APPBP2: variants seen among roughly 807,000 people sequenced by gnomAD.
APPBP2 encodes amyloid beta precursor protein binding protein 2, also known as amyloid protein-binding protein 2.
APPBP2 carries 15 observed loss-of-function variants against 76.0 expected under a neutral mutation model. That is an observed-to-expected ratio of 0.20 (90% confidence interval 0.13 to 0.30). APPBP2 has a LOEUF of 0.30. Among genes scored for constraint, APPBP2 ranks in the 10% least tolerant of loss-of-function variants. The pLI is 1.00. For missense variants in APPBP2, 401 were observed against 687.2 expected, an observed-to-expected ratio of 0.58 and a Z score of 4.66; for synonymous variants, 222 against 242.2, an observed-to-expected ratio of 0.92 and a Z score of 0.77.
intron 12 of APPBP2, 21 bp from the exon 13 acceptor site, chr17:60,447,855 G>GAA (rs572924329): frequency 1.0e-4 from 122 of 1,178,332 alleles, no homozygotes; most frequent in Admixed American, 1.6e-4. Flanking sequence ...AAAGAAAAAG[G>GAA]AAAAAAAAAA....
At chr17:60,483,543 A>G (rs1037823674) in intron 3 of APPBP2, among the ~76,000 whole-genome samples, 2 of 151,930 alleles carry the variant, frequency 1.3e-5, no homozygotes, top group African/African-American at 4.8e-5. Flanking sequence ...ATAGGCGCCC[A>G]CCACCACACC....
At position 60,479,141 on chromosome 17, in the gene APPBP2, A is replaced by C. The variant is rs775278801; in HGVS notation, c.503+7T>G. 1 of 1,609,472 alleles carries C rather than the reference A, an allele frequency of 6.2e-7. No individual in the cohort carries two copies. Among genetic ancestry groups the C allele is most frequent in the Non-Finnish European group, 8.5e-7 (1 of 1,178,710 alleles). On this transcript the variant is annotated splice_region_variant and intron_variant, in intron 4 of 12. Coordinates refer to ENST00000083182, the MANE Select transcript of APPBP2 (RefSeq NM_006380.5). ...AGCACGTAATTACAGGATATGTTCCAACTTACCTCACACAACATTCTACTG... is the reference window on the plus strand; with the variant it reads ...AGCACGTAATTACAGGATATGTTCCCACTTACCTCACACAACATTCTACTG...
intron 1 of APPBP2, among the ~76,000 whole-genome samples, chr17:60,505,974 T>A (rs1567938743): frequency 2.7e-5 from 4 of 149,256 alleles, no homozygotes; most frequent in African/African-American, 1.0e-4. Flanking sequence ...TGAGCCACCA[T>A]GCCTGGCCTT....
intron 3 of APPBP2, among the ~76,000 whole-genome samples, chr17:60,490,642 T>C (rs1474963578): frequency 6.6e-6 from 1 of 152,222 alleles, no homozygotes; most frequent in East Asian, 1.9e-4. Context: ...TTTGGCTCTG[T>C]GTCCCCACAC....
rs1398673480 is a variant in APPBP2, at chr17:60,447,247, A to G, written c.*334T>C. 18 of 200,592 alleles carry G rather than the reference A, an allele frequency of 9.0e-5. No individual in the cohort carries two copies. The highest frequency in any genetic ancestry group is 1.8e-4 in the Non-Finnish European group (18 of 99,092). The allele number at this position is 200,592 out of a possible 1,614,324, so 12.4% of individuals were successfully genotyped here. ...AAGAATGCAACTCTTTTAAACTCTT[A>G]AATAGTTTTATTTAGGGGTATTTTT... is the stretch of plus-strand genomic sequence containing the variant. On this transcript the variant is annotated 3_prime_UTR_variant, in exon 13 of 13. Coordinates refer to ENST00000083182, the MANE Select transcript of APPBP2 (RefSeq NM_006380.5).
chr17:60,475,560 TTCTTC>T (rs1197531962), intron 4 of APPBP2, among the ~76,000 whole-genome samples: 1 of 151,898 alleles, frequency 6.6e-6, no homozygotes, highest in Non-Finnish European at 1.5e-5. Context: ...TACTGCTACT[TTCTTC>T]TAGCTTCTAA....
Position 60,484,674 on chromosome 17 carries a change from G to A in APPBP2, c.380-5403C>T, listed in dbSNP as rs187557809. 9.1e-4 allele frequency among the ~76,000 whole-genome samples: 139 copies of A among 152,156 alleles called. 4 individuals are homozygous for A. The highest frequency in any genetic ancestry group is 6.6e-3 in the East Asian group (34 of 5,170). On this transcript the variant is annotated intron_variant, in intron 3 of 12. Coordinates refer to ENST00000083182, the MANE Select transcript of APPBP2 (RefSeq NM_006380.5). ...ATACAATCATGTCATCTGCAAACAGGGACAATTTGACTTCCTCTCTTCCTA... is the reference window on the plus strand; with the variant it reads ...ATACAATCATGTCATCTGCAAACAGAGACAATTTGACTTCCTCTCTTCCTA...
intron 3 of APPBP2, among the ~76,000 whole-genome samples, chr17:60,483,622 C>T (rs965614094): frequency 3.3e-5 from 5 of 151,910 alleles, no homozygotes; most frequent in Admixed American, 6.6e-5. Context: ...CTCGATCTCC[C>T]GACCTCGTGA....
chr17:60,452,859 G>A (rs564499776), intron 11 of APPBP2, among the ~76,000 whole-genome samples: 44 of 152,328 alleles, frequency 2.9e-4, no homozygotes, highest in African/African-American at 7.7e-4. Flanking sequence ...CCTGAGCCCA[G>A]GGAGGTTGAG....
rs1245460489 is a variant in APPBP2, at chr17:60,479,212, G to C, written c.439C>G (p.Leu147Val). The change falls in exon 4 of 13, where the codon CTT becomes GTT. Residue 147 changes from leucine to valine, a missense_variant. Coordinates refer to ENST00000083182, the MANE Select transcript of APPBP2 (RefSeq NM_006380.5). ...TCATCGTGTAGAGTACACAACTGAAGGCAGGACAGAAAAACTTTCTCAGCA... is the reference window on the plus strand; with the variant it reads ...TCATCGTGTAGAGTACACAACTGAACGCAGGACAGAAAAACTTTCTCAGCA... ...SDAEKVFLSC[L>V]QLCTLHDEML... The C allele has an allele frequency of 6.2e-7, 1 of 1,613,700 alleles. No homozygotes were observed. The highest frequency in any genetic ancestry group is 2.2e-5 in the East Asian group (1 of 44,866).
chr17:60,475,365 A>G (rs1370425069), intron 4 of APPBP2, among the ~76,000 whole-genome samples: 3 of 152,168 alleles, frequency 2.0e-5, no homozygotes, highest in Non-Finnish European at 4.4e-5. Context: ...TTGGCCTCCC[A>G]AAGTGCTGGG....
intron 1 of APPBP2, among the ~76,000 whole-genome samples, chr17:60,510,672 C>T (rs528796954): frequency 6.6e-6 from 1 of 152,090 alleles, no homozygotes; most frequent in South Asian, 2.1e-4. Flanking sequence ...GCCATAATTG[C>T]TCCACTACAC....
intron 1 of APPBP2, among the ~76,000 whole-genome samples, chr17:60,510,291 T>C (rs897582291): frequency 6.6e-6 from 1 of 152,110 alleles, no homozygotes; most frequent in Admixed American, 6.5e-5. Context: ...TAGTCTGAAC[T>C]ACTTGGGTGG....
intron 1 of APPBP2, among the ~76,000 whole-genome samples, chr17:60,505,066 T>C (rs1464232395): frequency 7.2e-5 from 11 of 152,256 alleles, no homozygotes; most frequent in Admixed American, 7.2e-4. Flanking sequence ...ATCTACATTA[T>C]ATATGCATCC....
chr17:60,511,477 C>A (rs368110099), intron 1 of APPBP2, among the ~76,000 whole-genome samples: 3 of 151,358 alleles, frequency 2.0e-5, no homozygotes, highest in East Asian at 3.9e-4. Flanking sequence ...CCTAGCTACT[C>A]AGCAGACTGA....
chr17:60,525,226 AT>A (rs2091042198), intron 1 of APPBP2, among the ~76,000 whole-genome samples: 1 of 152,268 alleles, frequency 6.6e-6, no homozygotes, highest in Non-Finnish European at 1.5e-5. Context: ...CCACAAAAAA[AT>A]CAAAGCTTTA....
At position 60,513,276 on chromosome 17, in the gene APPBP2, C is replaced by T. The variant is rs796838456; in HGVS notation, c.138+12518G>A. 8.3e-6 allele frequency: 4 copies of T among 479,212 alleles called. No individual in the cohort carries two copies. In the South Asian group the frequency reaches 1.1e-4, roughly 13 times the overall value. 29.7% of individuals were successfully genotyped at this position (479,212 alleles called of 1,614,324 possible). Reference sequence around the variant, plus strand: ...ATAAGAAATTTGCCATACACAATCACAGCTCAATCAATGTATATTTGGGAA... The same window carrying T: ...ATAAGAAATTTGCCATACACAATCATAGCTCAATCAATGTATATTTGGGAA... On this transcript the variant is annotated intron_variant, in intron 1 of 12. Transcript: ENST00000083182.
intron 3 of APPBP2, among the ~76,000 whole-genome samples, chr17:60,484,997 AT>A (rs1209124662): frequency 6.6e-6 from 1 of 151,996 alleles, no homozygotes; most frequent in African/African-American, 2.4e-5. Context: ...TGTTTATGTT[AT>A]GGATTACGTT....
intron 1 of APPBP2, among the ~76,000 whole-genome samples, chr17:60,518,345 CCGTGTGTGCGTGCG>C: frequency 7.3e-6 from 1 of 136,922 alleles, no homozygotes; most frequent in Non-Finnish European, 1.5e-5. Flanking sequence ...CCATGCCCAG[CCGTGTGTGCGTGCG>C]TGTGTGTGTG....
Sources: allele counts gnomAD v4.1 joint callset (sites outside exome capture counted in the v4.1 genomes callset), GRCh38; gene constraint gnomAD v4.1.1; transcripts MANE v1.5; gene names NCBI Gene and HGNC (gene_info 2026-07-23, HGNC 2026-07-21).